MUC12: variants seen among roughly 807,000 people sequenced by gnomAD.
The protein encoded by MUC12 is mucin-12.
Under a neutral mutation model 230.8 loss-of-function variants are expected in MUC12, and 172 were observed. The observed-to-expected ratio is 0.75, with a 90% CI of 0.66 to 0.85. MUC12 has a LOEUF of 0.85. MUC12 is among the 40% of genes least tolerant of loss of function. The pLI is 0.00. For missense variants in MUC12, 3,506 were observed against 5,920.6 expected (o/e 0.59, Z 13.38); for synonymous variants, 1,259 against 2,401.9 (o/e 0.52, Z 13.91).
chr7:100,970,981 C>A (rs191693136), intron 1 of MUC12, among the ~76,000 whole-genome samples: 93 of 150,658 alleles, frequency 6.2e-4, no homozygotes, highest in African/African-American at 2.1e-3. Flanking sequence ...TGGGCGACAG[C>A]GAGACTCCGT....
At chr7:100,989,887 T>G (rs1443127145) in intron 1 of MUC12, among the ~76,000 whole-genome samples, 6 of 152,056 alleles carry the variant, frequency 3.9e-5, no homozygotes, top group Non-Finnish European at 8.8e-5. Context: ...GAGATGGGGT[T>G]TCACTATGTT....
At position 101,004,556 on chromosome 7, in the gene MUC12, A is replaced by T; in HGVS notation, c.13993A>T (p.Ile4665Phe). ...PTSYHSSPGSIATTHFPESST... is the reference protein window; with the variant it reads ...PTSYHSSPGSFATTHFPESST... ...CAGCTACCACAGCAGCCCGGGCTCAATTGCAACAACACACTTTCCTGAGAG... is the reference window on the plus strand; with the variant it reads ...CAGCTACCACAGCAGCCCGGGCTCATTTGCAACAACACACTTTCCTGAGAG... The change falls in exon 2 of 12, where the codon ATT (isoleucine) becomes TTT (phenylalanine). Residue 4665 changes from isoleucine to phenylalanine, a missense_variant. Ile to Phe is a conservative substitution (Grantham distance 21, BLOSUM62 0). Coordinates refer to ENST00000536621, the MANE Select transcript of MUC12 (RefSeq NM_001164462.2). 6.5e-7 allele frequency: 1 copy of T among 1,536,892 alleles called. No individual in the cohort carries two copies. Among genetic ancestry groups the T allele is most frequent in the Non-Finnish European group, 8.7e-7 (1 of 1,146,762 alleles).
chr7:100,989,698 ATT>A lies in MUC12; in HGVS notation c.68-922_68-921del, dbSNP rs11307935. On this transcript the variant is annotated intron_variant, in intron 1 of 11. Transcript: ENST00000536621. The stretch of plus-strand genomic sequence containing the variant: ...GCCATACTACTAACAATTCAAGTTC[ATT>A]TTTTTTTTTTAGATGGTGTCTCACT... Among the ~76,000 whole-genome samples, 26 of 147,522 alleles carry A rather than the reference ATT, an allele frequency of 1.8e-4. 1 individual carries two copies. The highest frequency in any genetic ancestry group is 9.9e-4 in the East Asian group (5 of 5,038).
At chr7:101,013,271 T>A in intron 8 of MUC12, 129 bp downstream of exon 8, 1 of 989,488 alleles carries the variant, frequency 1.0e-6, no homozygotes, top group South Asian at 1.6e-5. Flanking sequence ...CTCCTGGACA[T>A]ACCTCTCCCC....
At chr7:100,969,844 G>A (rs1231986455) in intron 1 of MUC12, among the ~76,000 whole-genome samples, 155 bp downstream of exon 1, 3 of 152,424 alleles carry the variant, frequency 2.0e-5, no homozygotes, top group African/African-American at 7.2e-5. Context: ...ACCTCATCTT[G>A]CTTTGGGGGT....
intron 10 of MUC12, 76 bp from the exon 11 acceptor site, chr7:101,017,499 C>A: frequency 1.1e-6 from 1 of 929,386 alleles, no homozygotes; most frequent in Non-Finnish European, 1.6e-6. Flanking sequence ...CTTCCTTTTG[C>A]CAGAGGAAAT....
At chr7:100,987,586 G>T (rs1423054963) in intron 1 of MUC12, among the ~76,000 whole-genome samples, 1 of 152,214 alleles carries the variant, frequency 6.6e-6, no homozygotes, top group Admixed American at 6.5e-5. Flanking sequence ...GGAGTTGTTT[G>T]GATAATGGGG....
intron 1 of MUC12, among the ~76,000 whole-genome samples, chr7:100,975,094 C>T (rs1048149156): frequency 1.3e-5 from 2 of 152,300 alleles, no homozygotes; most frequent in Non-Finnish European, 2.9e-5. Context: ...TGGCCTGAGG[C>T]TCCTGGAATG....
At chr7:101,018,552 C>T (rs1312143900) in intron 11 of MUC12, 43 bp from the exon 12 acceptor site, 51 of 1,532,800 alleles carry the variant, frequency 3.3e-5, no homozygotes, top group Admixed American at 3.9e-5. Context: ...CCCCCTTTCC[C>T]GGGTCTGCCC....
rs1453846826 is a variant in MUC12, at chr7:101,012,824, A to G, written c.15409A>G (p.Ile5137Val). ...LLDPDSCRKA[I>V]LCYSEEDTFV... is the part of the protein sequence containing the mutation. The stretch of plus-strand genomic sequence containing the variant: ...TTCCCATCCACTCTCGGCAGAGGCC[A>G]TACTGTGCTATAGTGAAGAGGACAC... Residue 5137 changes from isoleucine (I) to valine (V), a missense_variant, in exon 7 of 12, where the codon ATA becomes GTA. Physicochemically the swap from Ile to Val is conservative, Grantham distance 29. Transcript: ENST00000536621. The G allele has an allele frequency of 1.3e-6, 2 of 1,537,132 alleles. No homozygotes were observed. Among genetic ancestry groups the G allele is most frequent in the South Asian group, 2.4e-5 (2 of 84,066 alleles).
chr7:101,018,872 G>C lies in MUC12; in HGVS notation c.*236G>C. 3 of 465,718 alleles carry C rather than the reference G, an allele frequency of 6.4e-6. No individual in the cohort carries two copies. The highest frequency in any genetic ancestry group is 7.5e-6 in the Non-Finnish European group (2 of 267,334). 28.8% of individuals were successfully genotyped at this position (465,718 alleles called of 1,614,324 possible). On this transcript the variant is annotated 3_prime_UTR_variant, in exon 12 of 12. Transcript: ENST00000536621. ...GACTCCCAGAAGCCTCGGCACCCCTGTCTCCTCCTGGGTGGCTCCCCACTC... is the reference window on the plus strand; with the variant it reads ...GACTCCCAGAAGCCTCGGCACCCCTCTCTCCTCCTGGGTGGCTCCCCACTC...
chr7:101,010,485 C>T (rs112686436), intron 5 of MUC12, among the ~76,000 whole-genome samples: 2,652 of 151,936 alleles, frequency 0.017, 70 homozygotes, highest in African/African-American at 0.057. Context: ...TACAGGCCTG[C>T]GCCATCGTGC....
intron 1 of MUC12, chr7:100,981,401 C>T: frequency 1.6e-6 from 1 of 642,862 alleles, no homozygotes; most frequent in Non-Finnish European, 2.8e-6. Flanking sequence ...GTGGAGTTTG[C>T]TAGCCCAGGG....
At position 101,017,414 on chromosome 7, in the gene MUC12, C is replaced by G. The variant is rs558315172; in HGVS notation, c.15878-161C>G. ...GCTCCCCAGGCAGGCTCTGCACTTA[C>G]CCGCAGCCCAGTGATGCAGGGTCGG... On this transcript the variant is annotated intron_variant, in intron 10 of 11. Transcript: ENST00000536621. The G allele has an allele frequency of 4.6e-4, 276 of 596,054 alleles. 4 individuals carry two copies. The South Asian group carries it at 5.4e-3, about 12-fold the overall frequency. The allele number at this position is 596,054 out of a possible 1,614,324, so 36.9% of individuals were successfully genotyped here.
At chr7:101,008,009 T>A (rs1430475247) in intron 3 of MUC12, among the ~76,000 whole-genome samples, 4 of 151,662 alleles carry the variant, frequency 2.6e-5, no homozygotes, top group Non-Finnish European at 4.4e-5. Context: ...TTTCACCGTG[T>A]TAGCCAGGAT....
chr7:100,978,198 G>A (rs1793060173), intron 1 of MUC12, among the ~76,000 whole-genome samples: 1 of 152,234 alleles, frequency 6.6e-6, no homozygotes, highest in Non-Finnish European at 1.5e-5. Flanking sequence ...AGCAGTGACA[G>A]TGCCTGCTGG....
At chr7:100,979,687 A>AT (rs1208904181) in intron 1 of MUC12, among the ~76,000 whole-genome samples, 7 of 151,928 alleles carry the variant, frequency 4.6e-5, no homozygotes, top group Non-Finnish European at 7.4e-5. Context: ...GAGGCAGGAG[A>AT]ATCGCTTGAA....
chr7:101,008,262 G>A (rs1024748406), intron 3 of MUC12, among the ~76,000 whole-genome samples: 14 of 152,142 alleles, frequency 9.2e-5, no homozygotes, highest in African/African-American at 3.4e-4. Context: ...GAGTAGCTGG[G>A]ACTACAGGCG....
In MUC12 at chr7:100,992,113, T is replaced by C. The variant is rs753817202; in HGVS notation, c.1550T>C (p.Val517Ala). 5 of 1,537,310 alleles carry C rather than the reference T, an allele frequency of 3.3e-6. No homozygotes were observed. The highest frequency in any genetic ancestry group is 4.4e-6 in the Non-Finnish European group (5 of 1,146,716). Residue 517 changes from valine (V) to alanine (A), a missense_variant, in exon 2 of 12, where the codon GTC (valine) becomes GCC (alanine). Coordinates refer to ENST00000536621, the MANE Select transcript of MUC12 (RefSeq NM_001164462.2). ...HLPASMTSSG[V>A]SEESTTSHSR... is the part of the protein sequence containing the mutation. ...CCTGCCAGCATGACAAGCTCAGGCG[T>C]CAGTGAAGAATCCACCACCTCCCAC...
Sources: gnomAD v4.1 joint callset for allele counts (sites outside exome capture counted in the v4.1 genomes callset) on GRCh38, gnomAD v4.1.1 for gene constraint, MANE v1.5 for transcripts, NCBI Gene and HGNC (gene_info 2026-07-23, HGNC 2026-07-21) for gene names.